Variants in POGLUT1 observed in about 807,000 individuals in gnomAD.
The protein encoded by POGLUT1 is protein O-glucosyltransferase 1.
Under a neutral mutation model 61.3 loss-of-function variants are expected in POGLUT1, and 32 were observed. The observed-to-expected ratio is 0.52, with a 90% CI of 0.39 to 0.70. The LOEUF (loss-of-function observed/expected upper bound fraction) is 0.70, where lower values mean the gene tolerates loss of function less well. POGLUT1 is among the 30% of genes least tolerant of loss of function. POGLUT1 has a pLI of 0.00. For missense variants in POGLUT1, 411 were observed against 469.8 expected, an observed-to-expected ratio of 0.87 and a Z score of 1.16; for synonymous variants, 158 against 158.2, an observed-to-expected ratio of 1.00 and a Z score of 0.01.
chr3:119,494,703 C>T lies in POGLUT1; in HGVS notation c.*2265C>T, dbSNP rs572783896. On this transcript the variant is annotated 3_prime_UTR_variant, in exon 11 of 11. Coordinates refer to ENST00000295588, the MANE Select transcript of POGLUT1 (RefSeq NM_152305.3). The stretch of plus-strand genomic sequence containing the variant: ...TGAATGAAGTGGGATACTTGCATAA[C>T]ACAAATAATGCTTTGTCTTTATTTA... 2 of 152,536 alleles carry T rather than the reference C, an allele frequency of 1.3e-5. No homozygotes were observed. Among genetic ancestry groups the T allele is most frequent in the South Asian group, 4.1e-4 (2 of 4,826 alleles). The allele number at this position is 152,536 out of a possible 1,614,324, so 9.4% of individuals were successfully genotyped here.
chr3:119,478,335 C>G (rs1441219515), intron 4 of POGLUT1: 1 of 456,518 alleles, frequency 2.2e-6, no homozygotes, highest in East Asian at 6.9e-5. Flanking sequence ...TCTCCCTAGA[C>G]TTGTTTTATT....
At chr3:119,476,709 C>G (rs375847971) in intron 3 of POGLUT1, among the ~76,000 whole-genome samples, 14 of 152,184 alleles carry the variant, frequency 9.2e-5, no homozygotes, top group African/African-American at 3.4e-4. Context: ...CAAGAAATCC[C>G]TGATTTCCCA....
chr3:119,473,885 T>C (rs1488972395), intron 3 of POGLUT1, among the ~76,000 whole-genome samples: 2 of 152,146 alleles, frequency 1.3e-5, no homozygotes, highest in Non-Finnish European at 2.9e-5. Context: ...GGTCTCAAAC[T>C]CCTGACCTCA....
intron 5 of POGLUT1, among the ~76,000 whole-genome samples, chr3:119,480,443 T>A (rs1249743717): frequency 6.6e-6 from 1 of 151,822 alleles, no homozygotes; most frequent in Non-Finnish European, 1.5e-5. Flanking sequence ...AGACGGGGTG[T>A]CTCCATGTTG....
In POGLUT1 at chr3:119,486,358, A is replaced by G. The variant is rs145477464; in HGVS notation, c.639-475A>G. On this transcript the variant is annotated intron_variant, in intron 6 of 10. Coordinates refer to ENST00000295588, the MANE Select transcript of POGLUT1 (RefSeq NM_152305.3). ...AACATCACTAGAAATTCTTCCACAT[A>G]CAGTCGTCAGGTTTTTAAGCCCTTT... Among the ~76,000 whole-genome samples, 7 of 152,270 alleles carry G rather than the reference A, an allele frequency of 4.6e-5. No individual in the cohort carries two copies. The East Asian group carries it at 7.7e-4, about 17-fold the overall frequency.
At chr3:119,487,946 C>T (rs560012544) in intron 7 of POGLUT1, 7 of 152,076 alleles carry the variant, frequency 4.6e-5, no homozygotes, top group East Asian at 1.9e-4. Context: ...GAAATGGGAC[C>T]GTTGGTTTAC....
At chr3:119,482,807 T>C (rs1295065173) in intron 5 of POGLUT1, among the ~76,000 whole-genome samples, 1 of 152,238 alleles carries the variant, frequency 6.6e-6, no homozygotes, top group Non-Finnish European at 1.5e-5. Context: ...TATATTTCAC[T>C]CTGTAGAAGA....
chr3:119,481,217 A>G (rs1259674206), intron 5 of POGLUT1, among the ~76,000 whole-genome samples: 4 of 152,222 alleles, frequency 2.6e-5, no homozygotes, highest in African/African-American at 9.6e-5. Flanking sequence ...TAAATGTCCC[A>G]TAAGCATCTC....
chr3:119,469,435 G>T (rs548530347), intron 1 of POGLUT1, among the ~76,000 whole-genome samples: 1 of 152,272 alleles, frequency 6.6e-6, no homozygotes, highest in Non-Finnish European at 1.5e-5. Context: ...GGCAAATGTC[G>T]TGCGCGCGAG....
intron 3 of POGLUT1, 63 bp from the exon 4 acceptor site, chr3:119,477,250 C>T (rs2081548176): frequency 6.5e-7 from 1 of 1,532,342 alleles, no homozygotes; most frequent in East Asian, 2.3e-5. Flanking sequence ...TGAATGGGAC[C>T]TCGCCTTGTC....
chr3:119,469,815 T>G lies in POGLUT1; in HGVS notation c.86-5T>G. 6.5e-7 allele frequency: 1 copy of G among 1,533,932 alleles called. No homozygotes were observed. Among genetic ancestry groups the G allele is most frequent in the African/African-American group, 1.4e-5 (1 of 73,418 alleles). On this transcript the variant is annotated splice_polypyrimidine_tract_variant and splice_region_variant and intron_variant, in intron 1 of 10. Transcript: ENST00000295588. ...TTTAACTCTCATTTACTTCACTTTTTAAAGGTTCAAAATGGAAAGTATTTA... is the reference window on the plus strand; with the variant it reads ...TTTAACTCTCATTTACTTCACTTTTGAAAGGTTCAAAATGGAAAGTATTTA...
chr3:119,472,282 A>G (rs2081483468), intron 3 of POGLUT1, among the ~76,000 whole-genome samples: 3 of 152,136 alleles, frequency 2.0e-5, no homozygotes, highest in Admixed American at 1.3e-4. Flanking sequence ...ATGTAAGAGC[A>G]TCTTTCTAAA....
intron 5 of POGLUT1, among the ~76,000 whole-genome samples, chr3:119,482,650 T>A (rs990570625): frequency 1.3e-5 from 2 of 152,260 alleles, no homozygotes; most frequent in Non-Finnish European, 2.9e-5. Context: ...ATTTTGTTTT[T>A]TAGAACCCTC....
chr3:119,490,681 C>T lies in POGLUT1; in HGVS notation c.928C>T (p.His310Tyr), dbSNP rs1000750271. ...FFYPQLKPWV[H>Y]YIPVKTDLSN... is the part of the protein sequence containing the mutation. ...CTATCCACAGCTGAAGCCATGGGTT[C>T]ACTATATCCCAGTCAAAACAGATCT... is the stretch of plus-strand genomic sequence containing the variant. Residue 310 changes from histidine (H) to tyrosine (Y), a missense_variant, in exon 9 of 11, where the codon CAC (histidine) becomes TAC (tyrosine). Coordinates refer to ENST00000295588, the MANE Select transcript of POGLUT1 (RefSeq NM_152305.3). 4 of 1,614,076 alleles carry T rather than the reference C, an allele frequency of 2.5e-6. No homozygotes were observed. Among genetic ancestry groups the T allele is most frequent in the Non-Finnish European group, 3.4e-6 (4 of 1,179,976 alleles).
Position 119,492,274 on chromosome 3 carries a change from G to T in POGLUT1, c.1023-8G>T. On this transcript the variant is annotated splice_region_variant and splice_polypyrimidine_tract_variant and intron_variant, in intron 10 of 10. Coordinates refer to ENST00000295588, the MANE Select transcript of POGLUT1 (RefSeq NM_152305.3). ...CTTTAACATTTTCTTGTTAAATCTT[G>T]TCTCTAGGGGAAGCCAGTTTATTAG... is the stretch of plus-strand genomic sequence containing the variant. 6.3e-7 allele frequency: 1 copy of T among 1,582,962 alleles called. No homozygotes were observed. Among genetic ancestry groups the T allele is most frequent in the Non-Finnish European group, 8.6e-7 (1 of 1,166,020 alleles).
intron 4 of POGLUT1, among the ~76,000 whole-genome samples, chr3:119,479,214 G>T (rs949876238): frequency 2.6e-5 from 4 of 152,128 alleles, no homozygotes; most frequent in African/African-American, 9.7e-5. Context: ...ACAGGTGTGA[G>T]CCACCGTGCC....
intron 5 of POGLUT1, among the ~76,000 whole-genome samples, chr3:119,482,040 A>T (rs770682854): frequency 2.0e-5 from 3 of 152,106 alleles, no homozygotes; most frequent in Non-Finnish European, 2.9e-5. Flanking sequence ...TGCTGGGATT[A>T]CAGGCATGAG....
intron 3 of POGLUT1, among the ~76,000 whole-genome samples, chr3:119,475,468 G>T (rs1182646716): frequency 6.6e-6 from 1 of 152,140 alleles, no homozygotes; most frequent in African/African-American, 2.4e-5. Context: ...TATATATGTA[G>T]GCTAAATTCC....
Position 119,468,998 on chromosome 3 carries a change from G to T in POGLUT1, c.-24G>T. The T allele has an allele frequency of 6.3e-7, 1 of 1,595,612 alleles. No homozygotes were observed. The highest frequency in any genetic ancestry group is 1.3e-5 in the African/African-American group (1 of 74,558). ...GCGCTTCCGCCAGCGCCGCAGCGGG[G>T]AATCTGCAGTAGGTCTGCCGGCGAT... On this transcript the variant is annotated 5_prime_UTR_variant, in exon 1 of 11. Coordinates refer to ENST00000295588, the MANE Select transcript of POGLUT1 (RefSeq NM_152305.3).
Sources: allele counts gnomAD v4.1 joint callset (sites outside exome capture counted in the v4.1 genomes callset), GRCh38; gene constraint gnomAD v4.1.1; transcripts MANE v1.5; gene names NCBI Gene and HGNC (gene_info 2026-07-23, HGNC 2026-07-21).